MYO1D: variants seen among roughly 807,000 people sequenced by gnomAD.
The protein encoded by MYO1D is unconventional myosin-Id.
A neutral mutation model predicts 122.0 loss-of-function variants in MYO1D; 83 were observed. That is an observed-to-expected ratio of 0.68 (90% CI 0.57 to 0.82). The LOEUF is 0.82. MYO1D is among the 40% of genes least tolerant of loss of function. The pLI, the probability that MYO1D is intolerant of heterozygous loss-of-function variation, is 0.00. For missense variants in MYO1D, 1,157 were observed against 1,269.5 expected (o/e 0.91, Z 1.35); for synonymous variants, 464 against 446.9 (o/e 1.04, Z -0.48).
intron 14 of MYO1D, among the ~76,000 whole-genome samples, chr17:32,728,948 T>A (rs2089606772): frequency 6.6e-6 from 1 of 152,194 alleles, no homozygotes; most frequent in Admixed American, 6.5e-5. Context: ...GATATAAAAG[T>A]CTTTGGATAA....
At chr17:32,696,083 G>A (rs879404079) in intron 16 of MYO1D, among the ~76,000 whole-genome samples, 16 of 152,090 alleles carry the variant, frequency 1.1e-4, no homozygotes, top group Non-Finnish European at 1.2e-4. Flanking sequence ...GATAGCTAAT[G>A]GAATATGTGC....
intron 21 of MYO1D, among the ~76,000 whole-genome samples, chr17:32,592,950 C>A (rs2087454870): frequency 6.6e-6 from 1 of 152,174 alleles, no homozygotes; most frequent in Non-Finnish European, 1.5e-5. Flanking sequence ...TGGCCCCGTA[C>A]ACTTCGTCCC....
Position 32,662,393 on chromosome 17 carries a change from C to G in MYO1D, c.2122-3055G>C, listed in dbSNP as rs112694017. On this transcript the variant is annotated intron_variant, in intron 16 of 21. Transcript: ENST00000318217. ...GGTCCCACTCTTAAGAGCTGCGCAG[C>G]GGGACGCGGTGGCTCACGCCTGTAA... Among the ~76,000 whole-genome samples the G allele has an allele frequency of 1.8e-4, 28 of 152,302 alleles. No individual in the cohort carries two copies. In the East Asian group the frequency reaches 5.4e-3, roughly 29 times the overall value.
intron 20 of MYO1D, among the ~76,000 whole-genome samples, chr17:32,617,527 G>A (rs1336378413): frequency 6.6e-6 from 1 of 152,078 alleles, no homozygotes; most frequent in African/African-American, 2.4e-5. Flanking sequence ...TGCAACCTCT[G>A]CCTCCTGGGT....
chr17:32,653,376 G>A (rs534255265), intron 19 of MYO1D, among the ~76,000 whole-genome samples: 1 of 151,710 alleles, frequency 6.6e-6, no homozygotes, highest in South Asian at 2.1e-4. Context: ...GGAGGCTGAG[G>A]CAGGTGAATC....
At chr17:32,826,399 T>C (rs1442584372) in intron 1 of MYO1D, among the ~76,000 whole-genome samples, 3 of 152,124 alleles carry the variant, frequency 2.0e-5, no homozygotes, top group Non-Finnish European at 4.4e-5. Context: ...GTGGAAAAAA[T>C]ACATAGAGAT....
intron 21 of MYO1D, among the ~76,000 whole-genome samples, chr17:32,508,767 G>C (rs1209388818): frequency 6.6e-6 from 1 of 152,200 alleles, no homozygotes; most frequent in Non-Finnish European, 1.5e-5. Flanking sequence ...TGATAGAGTA[G>C]AGGCAGGATT....
chr17:32,764,430 C>A (rs1224210365), intron 8 of MYO1D, among the ~76,000 whole-genome samples: 1 of 152,064 alleles, frequency 6.6e-6, no homozygotes, highest in Non-Finnish European at 1.5e-5. Flanking sequence ...AATGTTCTCA[C>A]CACAAATAAA....
At chr17:32,665,573 T>A (rs1177418424) in intron 16 of MYO1D, among the ~76,000 whole-genome samples, 1 of 152,250 alleles carries the variant, frequency 6.6e-6, no homozygotes, top group South Asian at 2.1e-4. Flanking sequence ...GCTCTTACTT[T>A]ATGAATGCAA....
At chr17:32,719,483 TG>T (rs1026920371) in intron 15 of MYO1D, among the ~76,000 whole-genome samples, 3 of 151,946 alleles carry the variant, frequency 2.0e-5, no homozygotes, top group African/African-American at 7.3e-5. Context: ...CCCGAGTAGC[TG>T]GGACTACAGG....
At chr17:32,574,715 A>G (rs2087262992) in intron 21 of MYO1D, among the ~76,000 whole-genome samples, 1 of 152,216 alleles carries the variant, frequency 6.6e-6, no homozygotes, top group Non-Finnish European at 1.5e-5. Flanking sequence ...TGAGAAAACA[A>G]AAGTAAAGGT....
intron 21 of MYO1D, among the ~76,000 whole-genome samples, chr17:32,559,579 A>G (rs73981832): frequency 0.035 from 5,331 of 152,294 alleles, 146 homozygotes; most frequent in African/African-American, 0.074. Context: ...GTCCATAAAC[A>G]TTATCTGACC....
chr17:32,620,555 T>G lies in MYO1D; in HGVS notation c.2710-15314A>C, dbSNP rs321151. 1.1e-4 allele frequency among the ~76,000 whole-genome samples: 17 copies of G among 151,874 alleles called. 1 individual carries two copies. The highest frequency in any genetic ancestry group is 8.5e-4 in the Admixed American group (13 of 15,260). The stretch of plus-strand genomic sequence containing the variant: ...AAAGAAAAGCCAGGGAACCCCCCCC[T>G]GCCAAGTTCCTCCAGAGTCCTGAGG... On this transcript the variant is annotated intron_variant, in intron 20 of 21. Coordinates refer to ENST00000318217, the MANE Select transcript of MYO1D (RefSeq NM_015194.3).
intron 14 of MYO1D, among the ~76,000 whole-genome samples, chr17:32,728,356 A>G (rs1050125265): frequency 7.2e-5 from 11 of 152,010 alleles, no homozygotes; most frequent in African/African-American, 2.7e-4. Context: ...CAGGGTGCAC[A>G]CCACCATGCC....
intron 21 of MYO1D, among the ~76,000 whole-genome samples, chr17:32,539,279 ACACACACAC>A (rs1281696664): frequency 2.6e-4 from 2 of 7,696 alleles, no homozygotes; most frequent in African/African-American, 8.6e-4. Flanking sequence ...CTGTCTCTAC[ACACACACAC>A]ACACACACAC....
intron 20 of MYO1D, among the ~76,000 whole-genome samples, chr17:32,611,233 G>A (rs529434101): frequency 1.3e-5 from 2 of 152,308 alleles, no homozygotes; most frequent in Middle Eastern, 6.8e-3. Flanking sequence ...TCTCATTTAC[G>A]AAATCAGCGC....
intron 21 of MYO1D, among the ~76,000 whole-genome samples, chr17:32,532,395 G>C: frequency 6.6e-6 from 1 of 151,938 alleles, no homozygotes; most frequent in Middle Eastern, 3.4e-3. Context: ...GGTGACCCAC[G>C]GCCTTAAAAG....
chr17:32,754,553 A>T (rs1403050316), intron 11 of MYO1D, among the ~76,000 whole-genome samples: 3 of 152,202 alleles, frequency 2.0e-5, no homozygotes, highest in African/African-American at 7.2e-5. Flanking sequence ...TTAATTGTGG[A>T]ATTTCTCTGT....
At chr17:32,516,703 G>A (rs1909904093) in intron 21 of MYO1D, among the ~76,000 whole-genome samples, 1 of 152,322 alleles carries the variant, frequency 6.6e-6, no homozygotes, top group Middle Eastern at 3.4e-3. Flanking sequence ...TACCTCAGTG[G>A]GCAGTTTAGG....
Sources: gnomAD v4.1 joint callset for allele counts (sites outside exome capture counted in the v4.1 genomes callset) on GRCh38, gnomAD v4.1.1 for gene constraint, MANE v1.5 for transcripts, NCBI Gene and HGNC (gene_info 2026-07-23, HGNC 2026-07-21) for gene names.